UMODL1: variants seen among roughly 807,000 people sequenced by gnomAD.
The protein encoded by UMODL1 is uromodulin like 1.
Under a neutral mutation model 136.3 loss-of-function variants are expected in UMODL1, and 128 were observed. The observed-to-expected ratio is 0.94, with a 90% CI of 0.81 to 1.09. UMODL1 has a LOEUF of 1.09. UMODL1 is among the 50% of genes least tolerant of loss of function. UMODL1 has a pLI of 0.00. For synonymous variants in UMODL1, 721 were observed against 720.0 expected (o/e 1.00, Z -0.02); for missense variants, 1,766 against 1,725.6 (o/e 1.02, Z -0.41).
intron 3 of UMODL1, 87 bp downstream of exon 3, chr21:42,084,332 G>A: frequency 2.1e-6 from 3 of 1,439,110 alleles, no homozygotes; most frequent in East Asian, 2.4e-5. Flanking sequence ...GGGGGGGAGT[G>A]TGTTTCTAGG....
upstream of UMODL1, among the ~76,000 whole-genome samples, chr21:42,069,353 A>AT (rs144540702): frequency 3.6e-3 from 550 of 151,966 alleles, 20 homozygotes; most frequent in East Asian, 0.091. Context: ...TAATTTTGGG[A>AT]TTTTTTTCTT....
rs867346359 is a variant in UMODL1, at chr21:42,109,606, G to T, written c.1564G>T (p.Ala522Ser). The T allele has an allele frequency of 1.2e-6, 2 of 1,611,298 alleles. No homozygotes were observed. The highest frequency in any genetic ancestry group is 1.7e-6 in the Non-Finnish European group (2 of 1,180,016). Reference sequence around the variant, plus strand: ...CAGCGCGGAACACGACTGCTCACCGGCTGCCTGGTGCATCAACCTGGAGGG... The same window carrying T: ...CAGCGCGGAACACGACTGCTCACCGTCTGCCTGGTGCATCAACCTGGAGGG... ...VDSAEHDCSP[A>S]AWCINLEGSY... Residue 522 changes from alanine to serine, a missense_variant, in exon 10 of 23, where the codon GCT becomes TCT. Coordinates refer to ENST00000408910, the MANE Select transcript of UMODL1 (RefSeq NM_001004416.3).
chr21:42,135,603 C>T lies in UMODL1; in HGVS notation c.3776-1836C>T, dbSNP rs375725702. Among the ~76,000 whole-genome samples, 8 of 152,324 alleles carry T rather than the reference C, an allele frequency of 5.3e-5. No homozygotes were observed. The South Asian group carries it at 6.2e-4, about 12-fold the overall frequency. ...TGTGCTGGCAAGGTGGCCCGTCACT[C>T]GAGGCCCAGGAGGAAGGTCCACTAC... On this transcript the variant is annotated intron_variant, in intron 21 of 22. Coordinates refer to ENST00000408910, the MANE Select transcript of UMODL1 (RefSeq NM_001004416.3).
Position 42,090,529 on chromosome 21 carries a change from T to C in UMODL1, c.931+91T>C, listed in dbSNP as rs541834380. The C allele has an allele frequency of 3.2e-4, 467 of 1,476,946 alleles. 2 individuals are homozygous for C. In the African/African-American group the frequency reaches 5.8e-3, roughly 18 times the overall value. The allele number at this position is 1,476,946 out of a possible 1,614,324, so 91.5% of individuals were successfully genotyped here. ...ACCAGCAGTGCTTACAGCTGCAGCA[T>C]TCACCCCGAGATAACTCTGCCATGA... On this transcript the variant is annotated intron_variant, in intron 6 of 22. Transcript: ENST00000408910.
chr21:42,075,941 GATA>G, intron 1 of UMODL1, 61 bp from the exon 2 acceptor site: 1 of 1,591,968 alleles, frequency 6.3e-7, no homozygotes, highest in Non-Finnish European at 8.6e-7. Flanking sequence ...ACGCCTTGCG[GATA>G]ACCGCTCGCA....
chr21:42,088,487 C>A lies in UMODL1; in HGVS notation c.790+7C>A. The A allele has an allele frequency of 1.3e-6, 2 of 1,589,796 alleles. No individual in the cohort carries two copies. The highest frequency in any genetic ancestry group is 1.7e-6 in the Non-Finnish European group (2 of 1,161,020). ...ATCAGCGTCCAGGTGCAAGGTTGGG[C>A]TTCCCTCAATCCTCCCTCTGGGGAG... is the stretch of plus-strand genomic sequence containing the variant. On this transcript the variant is annotated splice_region_variant and intron_variant, in intron 5 of 22. Transcript: ENST00000408910.
chr21:42,084,457 G>T (rs893674332), intron 3 of UMODL1, among the ~76,000 whole-genome samples: 1 of 152,124 alleles, frequency 6.6e-6, no homozygotes, highest in Non-Finnish European at 1.5e-5. Context: ...ATCTCATGGC[G>T]CTCTTAGGGG....
rs1194697843 is a variant in UMODL1 at position 42,111,590 on chromosome 21, C to T, written c.1984C>T (p.Arg662Cys). The change falls in exon 12 of 23, where the codon CGT becomes TGT. Residue 662 changes from arginine to cysteine, a missense_variant. Coordinates refer to ENST00000408910, the MANE Select transcript of UMODL1 (RefSeq NM_001004416.3). The stretch of plus-strand genomic sequence containing the variant: ...CGGCCACTTCCTGTGGCATGCCACC[C>T]GTTCCACCCGGGAAACACTTCTGAA... ...PTGHFLWHAT[R>C]STRETLLNPT... The T allele has an allele frequency of 3.6e-5, 58 of 1,614,050 alleles. No individual in the cohort carries two copies. Among genetic ancestry groups the T allele is most frequent in the Middle Eastern group, 1.6e-4 (1 of 6,082 alleles).
intron 2 of UMODL1, among the ~76,000 whole-genome samples, chr21:42,081,347 C>T (rs907313070): frequency 6.6e-6 from 1 of 152,174 alleles, no homozygotes; most frequent in East Asian, 1.9e-4. Flanking sequence ...CACAAAGCTC[C>T]CCTGTTGCCT....
intron 2 of UMODL1, among the ~76,000 whole-genome samples, chr21:42,081,059 C>G (rs553290755): frequency 6.6e-6 from 1 of 152,360 alleles, no homozygotes; most frequent in South Asian, 2.1e-4. Flanking sequence ...AACCCAGCAT[C>G]TTAGCTGTGC....
chr21:42,066,657 C>G (rs1393685402), upstream of UMODL1, among the ~76,000 whole-genome samples: 2 of 152,218 alleles, frequency 1.3e-5, no homozygotes, highest in African/African-American at 2.4e-5. Flanking sequence ...GTTCATTCTT[C>G]TTCTAGATAC....
chr21:42,120,846 C>T (rs2066960619), intron 15 of UMODL1: 1 of 424,620 alleles, frequency 2.4e-6, no homozygotes, highest in Non-Finnish European at 4.1e-6. Context: ...GCCCAGATCC[C>T]CCTCCCAGCC....
rs141581454 is a variant in UMODL1, at chr21:42,115,937, C to T, written c.2427C>T (p.Asn809=). The change falls in exon 14 of 23, where the codon AAC becomes AAT. Residue 809 remains asparagine (N), a synonymous_variant. Coordinates refer to ENST00000408910, the MANE Select transcript of UMODL1 (RefSeq NM_001004416.3). ...KNVRYSESFR[N]ASSQEYRDFL... ...TCAGGTACTCAGAATCCTTTCGCAA[C>T]GCAAGCAGCCAGGAGTATCGAGATT... 881 of 1,613,916 alleles carry T rather than the reference C, an allele frequency of 5.5e-4. 2 individuals are homozygous for T. The highest frequency in any genetic ancestry group is 5.1e-3 in the African/African-American group (385 of 74,954).
chr21:42,119,443 C>A, intron 15 of UMODL1, 119 bp downstream of exon 15: 1 of 853,214 alleles, frequency 1.2e-6, no homozygotes, highest in Non-Finnish European at 1.9e-6. Flanking sequence ...CTTCTTCCCC[C>A]AGAATTAGAT....
chr21:42,126,056 T>C (rs1034027365), intron 17 of UMODL1, among the ~76,000 whole-genome samples: 4 of 152,252 alleles, frequency 2.6e-5, no homozygotes, highest in Admixed American at 2.6e-4. Context: ...TGACGGTTTT[T>C]GACACTTGTC....
At chr21:42,095,188 G>A (rs2066542853) in intron 6 of UMODL1, among the ~76,000 whole-genome samples, 1 of 141,500 alleles carries the variant, frequency 7.1e-6, no homozygotes, top group Non-Finnish European at 1.5e-5. Context: ...TCCACCTCCT[G>A]GGTTCAATTA....
Position 42,110,887 on chromosome 21 carries a change from G to A in UMODL1, c.1665G>A (p.Leu555=). ...GTGGATGTGTCTTGGCAGGTGACCT[G>A]GTGAGCCCCATGGGCGGTGGACTGT... ...SRAGRACEGD[L]VSPMGGGLSA... is the part of the protein sequence containing the mutation. Residue 555 remains leucine, a synonymous_variant, in exon 11 of 23, where the codon CTG becomes CTA. Transcript: ENST00000408910. 1.2e-6 allele frequency: 2 copies of A among 1,604,178 alleles called. No individual in the cohort carries two copies. Among genetic ancestry groups the A allele is most frequent in the Admixed American group, 3.4e-5 (2 of 58,732 alleles).
rs370925017 is a variant in UMODL1 at position 42,125,800 on chromosome 21, A to C, written c.3148-545A>C. 2.6e-4 allele frequency among the ~76,000 whole-genome samples: 40 copies of C among 152,232 alleles called. No homozygotes were observed. In the East Asian group the frequency reaches 7.8e-3, roughly 30 times the overall value. On this transcript the variant is annotated intron_variant, in intron 17 of 22. Transcript: ENST00000408910. The stretch of plus-strand genomic sequence containing the variant: ...GCTGCGGGGCCAAGTGGAGGGGCTG[A>C]GGGTGCAGGACAGCCTGCCTGGTGC...
intron 5 of UMODL1, 32 bp downstream of exon 5, chr21:42,088,512 G>C: frequency 6.4e-7 from 1 of 1,570,722 alleles, no homozygotes; most frequent in Admixed American, 1.7e-5. Context: ...CCTCTGGGGA[G>C]GCTGCAGGGT....
Sources: gnomAD v4.1 joint callset for allele counts (sites outside exome capture counted in the v4.1 genomes callset) on GRCh38, gnomAD v4.1.1 for gene constraint, MANE v1.5 for transcripts, NCBI Gene and HGNC (gene_info 2026-07-23, HGNC 2026-07-21) for gene names.